Variants in RAPGEF2 observed in about 807,000 individuals in gnomAD.
RAPGEF2 encodes PDZ domain containing guanine nucleotide exchange factor (GEF) 1.
Under a neutral mutation model 186.7 loss-of-function variants are expected in RAPGEF2, and 54 were observed. The observed-to-expected ratio is 0.29, with a 90% CI of 0.23 to 0.36. RAPGEF2 has a LOEUF of 0.36. RAPGEF2 is among the 10% of genes least tolerant of loss of function. RAPGEF2 has a pLI of 1.00. For missense variants in RAPGEF2, 1,532 were observed against 2,045.0 expected, an observed-to-expected ratio of 0.75 and a Z score of 4.84; for synonymous variants, 712 against 705.9, an observed-to-expected ratio of 1.01 and a Z score of -0.14.
chr4:159,166,736 A>C (rs1745361865), intron 1 of RAPGEF2, among the ~76,000 whole-genome samples: 1 of 152,222 alleles, frequency 6.6e-6, no homozygotes, highest in African/African-American at 2.4e-5. Flanking sequence ...CATTAAAAAA[A>C]CCGACAATAA....
rs576386463 is a variant in RAPGEF2, at chr4:159,246,089, T to C, written c.543+2298T>C. Among the ~76,000 whole-genome samples, 13 of 152,274 alleles carry C rather than the reference T, an allele frequency of 8.5e-5. No homozygotes were observed. The South Asian group carries it at 2.7e-3, about 32-fold the overall frequency. On this transcript the variant is annotated intron_variant, in intron 7 of 29. Transcript: ENST00000691494. ...TTCAGTCAGTACAAAAATTTTAAAA[T>C]GATGAAAACTTATTGGTCGTGTAAA...
chr4:159,172,799 C>T (rs765824527), intron 1 of RAPGEF2, among the ~76,000 whole-genome samples: 1 of 152,142 alleles, frequency 6.6e-6, no homozygotes, highest in Non-Finnish European at 1.5e-5. Context: ...TAGTGGAGCA[C>T]TTGATTAGAA....
At chr4:159,114,517 G>C (rs1738835684) in intron 1 of RAPGEF2, among the ~76,000 whole-genome samples, 1 of 152,202 alleles carries the variant, frequency 6.6e-6, no homozygotes, top group South Asian at 2.1e-4. Context: ...GATTATAGGT[G>C]TGAGCCACCT....
chr4:159,236,270 T>C (rs1165264657), intron 4 of RAPGEF2, among the ~76,000 whole-genome samples: 1 of 152,218 alleles, frequency 6.6e-6, no homozygotes, highest in Non-Finnish European at 1.5e-5. Context: ...TATGGAAATG[T>C]TTTTGTGTAG....
chr4:159,318,293 T>G (rs6816396), intron 9 of RAPGEF2, among the ~76,000 whole-genome samples: 1 of 152,032 alleles, frequency 6.6e-6, no homozygotes, highest in Non-Finnish European at 1.5e-5. Context: ...GAGAACTGTT[T>G]AGCTCTTGTT....
chr4:159,259,913 T>A (rs945167107), intron 7 of RAPGEF2, among the ~76,000 whole-genome samples: 4 of 152,194 alleles, frequency 2.6e-5, no homozygotes, highest in African/African-American at 9.6e-5. Flanking sequence ...TTTCTAAGTT[T>A]GGCAACTTTT....
intron 1 of RAPGEF2, among the ~76,000 whole-genome samples, chr4:159,126,849 T>C (rs1321227473): frequency 6.6e-6 from 1 of 152,212 alleles, no homozygotes; most frequent in East Asian, 1.9e-4. Context: ...TCATTTCTCA[T>C]TGTCAAGTAG....
chr4:159,215,704 A>G (rs1057043560), intron 4 of RAPGEF2, among the ~76,000 whole-genome samples: 1 of 152,162 alleles, frequency 6.6e-6, no homozygotes, highest in Non-Finnish European at 1.5e-5. Context: ...AAAACTTTTT[A>G]TATCTTTTAT....
At chr4:159,270,480 G>A (rs1257049870) in intron 7 of RAPGEF2, among the ~76,000 whole-genome samples, 1 of 152,104 alleles carries the variant, frequency 6.6e-6, no homozygotes, top group Non-Finnish European at 1.5e-5. Context: ...CTTTTAAGTG[G>A]CTTTGCTTCT....
chr4:159,145,191 T>TC (rs1443619946), intron 1 of RAPGEF2, among the ~76,000 whole-genome samples: 1 of 152,072 alleles, frequency 6.6e-6, no homozygotes, highest in Non-Finnish European at 1.5e-5. Context: ...TGTTTTTTTT[T>TC]CCCGCTTTAT....
Position 159,122,645 on chromosome 4 carries a change from C to T in RAPGEF2, c.69+18414C>T, listed in dbSNP as rs188712732. On this transcript the variant is annotated intron_variant, in intron 1 of 29. Coordinates refer to ENST00000691494, the MANE Select transcript of RAPGEF2 (RefSeq NM_001394067.2). ...TACTACTGTAATAATTTTGTAGCCA[C>T]CTCCTGTTGCTTTCGTGTCATGAGT... Among the ~76,000 whole-genome samples, 4 of 152,290 alleles carry T rather than the reference C, an allele frequency of 2.6e-5. No homozygotes were observed. In the East Asian group the frequency reaches 5.8e-4, roughly 22 times the overall value.
At chr4:159,243,816 CTGACACTAACCTAAGTTTACGTG>C (rs1310225570) in intron 7 of RAPGEF2, 25 bp downstream of exon 7, 1 of 1,261,362 alleles carries the variant, frequency 7.9e-7, no homozygotes, top group East Asian at 5.6e-5. Context: ...GTGTGGTCTT[CTGACACTAACCTAAGTTTACGTG>C]TGAATTTGCA....
At chr4:159,231,982 C>G (rs1752692172) in intron 4 of RAPGEF2, among the ~76,000 whole-genome samples, 1 of 152,156 alleles carries the variant, frequency 6.6e-6, no homozygotes. Flanking sequence ...AAACATAACT[C>G]TTCCTTGGTT....
In RAPGEF2 at chr4:159,350,274, A is replaced by T; in HGVS notation, c.3850A>T (p.Ser1284Cys). ...QLSSPPTSPQ[S>C]SPRKGYTLAP... ...TTCTTCTCCTCCTACTTCTCCACAG[A>T]GTTCTCCAAGGAAAGGTAGAATTAA... Residue 1284 changes from serine (S) to cysteine (C), a missense_variant, in exon 26 of 30, where the codon AGT becomes TGT. Physicochemically the swap from Ser to Cys is moderately radical, Grantham distance 112. Coordinates refer to ENST00000691494, the MANE Select transcript of RAPGEF2 (RefSeq NM_001394067.2). 6.3e-7 allele frequency: 1 copy of T among 1,578,924 alleles called. No individual in the cohort carries two copies. The highest frequency in any genetic ancestry group is 8.6e-7 in the Non-Finnish European group (1 of 1,165,524).
At chr4:159,217,198 G>A (rs900211343) in intron 4 of RAPGEF2, among the ~76,000 whole-genome samples, 3 of 152,032 alleles carry the variant, frequency 2.0e-5, no homozygotes, top group Admixed American at 6.6e-5. Flanking sequence ...TAGATTTAGG[G>A]GGTACACGTG....
chr4:159,227,704 A>G (rs1752189642), intron 4 of RAPGEF2, among the ~76,000 whole-genome samples: 1 of 152,230 alleles, frequency 6.6e-6, no homozygotes. Context: ...GATTGTGGCA[A>G]GAGAGAAAAA....
intron 7 of RAPGEF2, among the ~76,000 whole-genome samples, chr4:159,280,934 T>G (rs1708067900): frequency 6.6e-6 from 1 of 152,116 alleles, no homozygotes; most frequent in African/African-American, 2.4e-5. Context: ...TTTGAGTTCT[T>G]GTTCTGATGT....
intron 1 of RAPGEF2, among the ~76,000 whole-genome samples, chr4:159,186,280 A>G (rs1164537988): frequency 6.6e-6 from 1 of 152,170 alleles, no homozygotes; most frequent in East Asian, 1.9e-4. Context: ...TTGACTAAGA[A>G]AATAATTTGA....
Position 159,353,450 on chromosome 4 carries a change from G to GT in RAPGEF2, c.4092-27dup, listed in dbSNP as rs374512499. ...CATAGGTGAATTAGTTATCAATCTTGTTTTTTTTTTCTTTTCCATTTCTTT... is the reference window on the plus strand; with the variant it reads ...CATAGGTGAATTAGTTATCAATCTTGTTTTTTTTTTTCTTTTCCATTTCTTT... On this transcript the variant is annotated intron_variant, in intron 27 of 29. Coordinates refer to ENST00000691494, the MANE Select transcript of RAPGEF2 (RefSeq NM_001394067.2). This position sits in a 1 kb window ranked among gnomAD's most constrained non-coding sequence, Gnocchi z 4.3. The GT allele has an allele frequency of 0.022, 25,012 of 1,147,584 alleles. No homozygotes were observed. Among genetic ancestry groups the GT allele is most frequent in the South Asian group, 0.029 (1,364 of 46,512 alleles). The allele number at this position is 1,147,584 out of a possible 1,614,324, so 71.1% of individuals were successfully genotyped here. A position where few individuals can be genotyped will look rare whatever the true frequency, so the allele number is the denominator to read the frequency against.
Sources: allele counts gnomAD v4.1 joint callset (sites outside exome capture counted in the v4.1 genomes callset), GRCh38; gene constraint gnomAD v4.1.1; non-coding constraint Gnocchi (gnomAD v3.1); transcripts MANE v1.5; gene names NCBI Gene and HGNC (gene_info 2026-07-23, HGNC 2026-07-21).